The following CDA variants were observed in gnomAD, a reference collection of about 807,000 sequenced individuals.
CDA encodes cytidine deaminase.
Under a neutral mutation model 15.0 loss-of-function variants are expected in CDA, and 7 were observed. That is an observed-to-expected ratio of 0.47 (90% CI 0.26 to 0.87). The LOEUF is 0.87. CDA is among the 40% of genes least tolerant of loss of function. CDA has a pLI of 0.15. For synonymous variants in CDA, 58 were observed against 73.0 expected (o/e 0.79, Z 1.05); for missense variants, 159 against 182.7 (o/e 0.87, Z 0.75).
At chr1:20,594,125 C>G (rs542629027) in intron 1 of CDA, among the ~76,000 whole-genome samples, 1 of 152,180 alleles carries the variant, frequency 6.6e-6, no homozygotes, top group Admixed American at 6.5e-5. Flanking sequence ...AACACAAGAC[C>G]GGCACAGGTG....
intron 2 of CDA, among the ~76,000 whole-genome samples, chr1:20,608,676 C>A (rs1212240742): frequency 6.6e-6 from 1 of 152,224 alleles, no homozygotes; most frequent in Admixed American, 6.5e-5. Context: ...TCCCAAAGTG[C>A]TGGGATTATA....
rs2052690960 is a variant in CDA at position 20,605,847 on chromosome 1, C to T, written c.266+808C>T. ...TCAAAAACAACACAAAACAAAAAAG[C>T]ATTGAGAACAGTTTGGAAAGGTCTT... On this transcript the variant is annotated intron_variant, in intron 2 of 3. Coordinates refer to ENST00000375071, the MANE Select transcript of CDA (RefSeq NM_001785.3). Among the ~76,000 whole-genome samples, 18 of 124,102 alleles carry T rather than the reference C, an allele frequency of 1.5e-4. 3 individuals are homozygous for T. The highest frequency in any genetic ancestry group is 1.4e-3 in the Admixed American group (18 of 12,798). 81.4% of individuals were successfully genotyped at this position (124,102 alleles called of 152,430 possible).
At chr1:20,606,865 C>T (rs977359742) in intron 2 of CDA, among the ~76,000 whole-genome samples, 2 of 152,206 alleles carry the variant, frequency 1.3e-5, no homozygotes, top group Non-Finnish European at 2.9e-5. Context: ...AGCCCTTTTA[C>T]TGGACTCCAT....
intron 3 of CDA, among the ~76,000 whole-genome samples, chr1:20,617,576 C>T (rs1261915322): frequency 6.6e-6 from 1 of 152,202 alleles, no homozygotes; most frequent in African/African-American, 2.4e-5. Flanking sequence ...CACAAGTCCT[C>T]TCTTGCCTGT....
chr1:20,618,419 G>A, intron 3 of CDA, 33 bp from the exon 4 acceptor site: 1 of 1,317,868 alleles, frequency 7.6e-7, no homozygotes, highest in Non-Finnish European at 1.1e-6. Context: ...CAGCCACGCT[G>A]TGTCTCTCAC....
chr1:20,615,023 G>A (rs6679821), intron 3 of CDA, among the ~76,000 whole-genome samples: 1 of 151,844 alleles, frequency 6.6e-6, no homozygotes, highest in African/African-American at 2.4e-5. Flanking sequence ...TACCATGCCC[G>A]GCTAATTTTT....
At chr1:20,603,897 C>G (rs1253388657) in intron 1 of CDA, among the ~76,000 whole-genome samples, 1 of 152,118 alleles carries the variant, frequency 6.6e-6, no homozygotes, top group Non-Finnish European at 1.5e-5. Context: ...TATTGTCCCC[C>G]AGCAACAACC....
chr1:20,610,250 G>A (rs2052734288), intron 2 of CDA, among the ~76,000 whole-genome samples: 1 of 133,078 alleles, frequency 7.5e-6, no homozygotes, highest in South Asian at 2.4e-4. Context: ...CACATTCTAG[G>A]CACACATTAT....
chr1:20,599,025 A>G (rs2052615555), intron 1 of CDA, among the ~76,000 whole-genome samples: 1 of 152,238 alleles, frequency 6.6e-6, no homozygotes, highest in African/African-American at 2.4e-5. Flanking sequence ...AAATGGATAC[A>G]GAGAGTTGGA....
intron 2 of CDA, among the ~76,000 whole-genome samples, chr1:20,610,926 C>T (rs1310622684): frequency 2.0e-5 from 3 of 152,042 alleles, no homozygotes; most frequent in Admixed American, 2.0e-4. Flanking sequence ...AAGGAAGAGC[C>T]AACTAAAAAC....
intron 1 of CDA, among the ~76,000 whole-genome samples, chr1:20,594,004 G>C (rs886251186): frequency 1.3e-5 from 2 of 152,220 alleles, no homozygotes; most frequent in African/African-American, 4.8e-5. Context: ...GGTTTCATGG[G>C]GTGAAGCAGA....
At chr1:20,605,333 A>G (rs2052684933) in intron 2 of CDA, among the ~76,000 whole-genome samples, 1 of 152,060 alleles carries the variant, frequency 6.6e-6, no homozygotes, top group Admixed American at 6.6e-5. Context: ...GTCCTACAAG[A>G]TATAACAGAA....
In CDA at chr1:20,618,895, C is replaced by T. The variant is rs1400313816; in HGVS notation, c.*327C>T. ...TTTTCTAATTATAAACATCACAGAACATCCTGGATCAAAGCGTGTGTCTTG... is the reference window on the plus strand; with the variant it reads ...TTTTCTAATTATAAACATCACAGAATATCCTGGATCAAAGCGTGTGTCTTG... On this transcript the variant is annotated 3_prime_UTR_variant, in exon 4 of 4. Coordinates refer to ENST00000375071, the MANE Select transcript of CDA (RefSeq NM_001785.3). The T allele has an allele frequency of 2.8e-6, 1 of 356,942 alleles. No individual in the cohort carries two copies. The highest frequency in any genetic ancestry group is 5.5e-6 in the Non-Finnish European group (1 of 182,402). 22.1% of individuals were successfully genotyped at this position (356,942 alleles called of 1,614,324 possible). A position where few individuals can be genotyped will look rare whatever the true frequency, so the allele number is the denominator to read the frequency against.
chr1:20,594,432 G>T (rs1553142319), intron 1 of CDA, among the ~76,000 whole-genome samples: 1 of 148,204 alleles, frequency 6.7e-6, no homozygotes, highest in Non-Finnish European at 1.5e-5. Flanking sequence ...GCTGCTAAGG[G>T]AAAAAAAAAA....
At chr1:20,597,915 A>T (rs1176502629) in intron 1 of CDA, among the ~76,000 whole-genome samples, 33 of 143,700 alleles carry the variant, frequency 2.3e-4, no homozygotes, top group Non-Finnish European at 1.5e-5. Context: ...TTTTTGAGCT[A>T]GAAAATTCAA....
At chr1:20,597,669 G>A (rs114756174) in intron 1 of CDA, among the ~76,000 whole-genome samples, 33 of 152,312 alleles carry the variant, frequency 2.2e-4, no homozygotes, top group African/African-American at 5.5e-4. Context: ...CACTATGATC[G>A]TAGTATTATT....
Position 20,618,773 on chromosome 1 carries a change from C to A in CDA, c.*205C>A. ...AGAACACCGCCGCCCCCTGCCCCACCTTTCCTTTCCTTCCTGTGGGCCCTC... is the reference window on the plus strand; with the variant it reads ...AGAACACCGCCGCCCCCTGCCCCACATTTCCTTTCCTTCCTGTGGGCCCTC... On this transcript the variant is annotated 3_prime_UTR_variant, in exon 4 of 4. Coordinates refer to ENST00000375071, the MANE Select transcript of CDA (RefSeq NM_001785.3). 1 of 566,752 alleles carries A rather than the reference C, an allele frequency of 1.8e-6. No homozygotes were observed. The allele number at this position is 566,752 out of a possible 1,614,324, so 35.1% of individuals were successfully genotyped here.
chr1:20,596,081 G>A lies in CDA; in HGVS notation c.154+6798G>A, dbSNP rs1016164474. 4.6e-5 allele frequency among the ~76,000 whole-genome samples: 7 copies of A among 152,072 alleles called. No homozygotes were observed. In the South Asian group the frequency reaches 6.2e-4, roughly 13 times the overall value. On this transcript the variant is annotated intron_variant, in intron 1 of 3. Coordinates refer to ENST00000375071, the MANE Select transcript of CDA (RefSeq NM_001785.3). ...GGAGAATCGCTTGAACCTGGGAGGC[G>A]GAGGTTGCAGTGAGCTGAGATCGCA...
At chr1:20,598,281 C>G (rs1439068918) in intron 1 of CDA, among the ~76,000 whole-genome samples, 1 of 152,194 alleles carries the variant, frequency 6.6e-6, no homozygotes, top group Non-Finnish European at 1.5e-5. Flanking sequence ...GATTCTCTCT[C>G]TTTCACTCTC....
Sources: gnomAD v4.1 joint callset for allele counts (sites outside exome capture counted in the v4.1 genomes callset) on GRCh38, gnomAD v4.1.1 for gene constraint, MANE v1.5 for transcripts, NCBI Gene and HGNC (gene_info 2026-07-23, HGNC 2026-07-21) for gene names.